Variants in PAM observed in about 807,000 individuals in gnomAD.
PAM encodes the protein peptidylglycine alpha-amidating monooxygenase.
In PAM, 72 loss-of-function variants were observed where a neutral mutation model predicts 122.1. The ratio of observed to expected loss-of-function variants is 0.59; its 90% CI spans 0.49 to 0.72. The LOEUF is 0.72. Ranked by LOEUF, PAM falls within the 30% of genes least tolerant of loss-of-function variation. PAM has a pLI of 0.00. For missense variants in PAM, 1,106 were observed against 1,183.7 expected, an observed-to-expected ratio of 0.93 and a Z score of 0.96; for synonymous variants, 389 against 404.4, an observed-to-expected ratio of 0.96 and a Z score of 0.46.
At chr5:102,851,856 TAA>T in intron 1 of PAM, among the ~76,000 whole-genome samples, 1 of 152,390 alleles carries the variant, frequency 6.6e-6, no homozygotes, top group African/African-American at 2.4e-5. Flanking sequence ...TCAAATAATT[TAA>T]AGTGTGTTTT....
chr5:102,924,141 C>CT (rs1360939352), intron 5 of PAM, among the ~76,000 whole-genome samples: 1 of 152,032 alleles, frequency 6.6e-6, no homozygotes, highest in African/African-American at 2.4e-5. Context: ...ATCAAGAACT[C>CT]TTAAGAGAGG....
chr5:103,002,430 A>C (rs898046757), intron 16 of PAM, among the ~76,000 whole-genome samples: 6 of 152,046 alleles, frequency 3.9e-5, no homozygotes, highest in Non-Finnish European at 8.8e-5. Context: ...GTTATTTGGT[A>C]AGTTTTATGC....
chr5:102,893,457 T>C lies in PAM; in HGVS notation c.211-7899T>C, dbSNP rs1453098743. 4.0e-5 allele frequency among the ~76,000 whole-genome samples: 6 copies of C among 151,746 alleles called. No individual in the cohort carries two copies. The East Asian group carries it at 1.2e-3, about 30-fold the overall frequency. On this transcript the variant is annotated intron_variant, in intron 3 of 25. Transcript: ENST00000438793. ...GAGAGGAATGTGAATACATTCAAAA[T>C]ACTAGTATTACAAATATGTAAAACC...
chr5:102,763,928 G>T (rs1218085380), intron 1 of PAM, among the ~76,000 whole-genome samples: 6 of 152,142 alleles, frequency 3.9e-5, no homozygotes, highest in Admixed American at 2.0e-4. Context: ...ATCTGTGGGG[G>T]CGTGAGTTGG....
intron 3 of PAM, among the ~76,000 whole-genome samples, chr5:102,891,017 A>G (rs116071811): frequency 6.6e-6 from 1 of 151,850 alleles, no homozygotes; most frequent in South Asian, 2.1e-4. Context: ...TTGCAGTGGG[A>G]TAAATTTAGT....
chr5:102,925,112 A>G (rs946092114), intron 6 of PAM, 70 bp downstream of exon 6: 4 of 824,882 alleles, frequency 4.8e-6, no homozygotes, highest in African/African-American at 3.3e-5. Context: ...ACTTTTCATT[A>G]TAGTCCTTTC....
At chr5:102,918,611 T>C (rs185706248) in intron 5 of PAM, among the ~76,000 whole-genome samples, 78 of 152,272 alleles carry the variant, frequency 5.1e-4, no homozygotes, top group African/African-American at 1.8e-3. Flanking sequence ...ATTACTTCAT[T>C]CTGTTTTTAC....
intron 1 of PAM, among the ~76,000 whole-genome samples, chr5:102,861,193 C>G (rs1004438382): frequency 6.6e-6 from 1 of 152,240 alleles, no homozygotes; most frequent in African/African-American, 2.4e-5. Flanking sequence ...GACTGCAGTT[C>G]TGGTTCACAT....
chr5:103,024,448 G>A (rs1338912584), intron 23 of PAM, among the ~76,000 whole-genome samples: 1 of 152,084 alleles, frequency 6.6e-6, no homozygotes, highest in Non-Finnish European at 1.5e-5. Flanking sequence ...TCATCTGTCT[G>A]TACTCACATT....
At chr5:102,973,181 C>A (rs1008441760) in intron 14 of PAM, among the ~76,000 whole-genome samples, 2 of 152,284 alleles carry the variant, frequency 1.3e-5, no homozygotes, top group Admixed American at 1.3e-4. Flanking sequence ...AAAGGAAGAA[C>A]TGGTGGTTGC....
At chr5:102,928,930 C>T (rs527996865) in intron 7 of PAM, among the ~76,000 whole-genome samples, 1 of 152,062 alleles carries the variant, frequency 6.6e-6, no homozygotes. Context: ...TCAAATGGCC[C>T]TCACTAGGAC....
intron 1 of PAM, among the ~76,000 whole-genome samples, chr5:102,859,634 T>A (rs1314259467): frequency 2.0e-5 from 3 of 152,156 alleles, no homozygotes; most frequent in African/African-American, 7.2e-5. Context: ...GGAAACTGCA[T>A]AAAATCTCCT....
At chr5:102,756,415 G>A (rs1291378168) in intron 1 of PAM, among the ~76,000 whole-genome samples, 1 of 152,172 alleles carries the variant, frequency 6.6e-6, no homozygotes, top group Non-Finnish European at 1.5e-5. Flanking sequence ...AGAAATTCAA[G>A]TAGAAGGAAG....
chr5:102,765,043 A>AT (rs1158201180), intron 1 of PAM, among the ~76,000 whole-genome samples: 1 of 151,804 alleles, frequency 6.6e-6, no homozygotes, highest in Non-Finnish European at 1.5e-5. Flanking sequence ...TTCAAGAGTT[A>AT]TTTTTTCCAC....
chr5:102,816,739 T>G (rs1422081817), intron 1 of PAM, among the ~76,000 whole-genome samples: 1 of 152,152 alleles, frequency 6.6e-6, no homozygotes, highest in East Asian at 1.9e-4. Context: ...AGTTGGAGTA[T>G]CCTAAAGTTC....
At chr5:102,956,169 G>A (rs1405820795) in intron 12 of PAM, among the ~76,000 whole-genome samples, 4 of 152,030 alleles carry the variant, frequency 2.6e-5, no homozygotes, top group Non-Finnish European at 4.4e-5. Flanking sequence ...CAAATGAACT[G>A]TATTGGTGAG....
At chr5:102,898,958 C>T (rs936803762) in intron 3 of PAM, among the ~76,000 whole-genome samples, 13 of 151,478 alleles carry the variant, frequency 8.6e-5, no homozygotes, top group South Asian at 2.1e-4. Context: ...TAATACCTAC[C>T]GAATAGTGTT....
chr5:102,948,760 C>G lies in PAM; in HGVS notation c.643+315C>G, dbSNP rs1757816293. ...TTCTTGAGATGCAGAGGACACACTG[C>G]ATAATGAGCAGTGACATAAACTTCT... On this transcript the variant is annotated intron_variant, in intron 9 of 25. Coordinates refer to ENST00000438793, the MANE Select transcript of PAM (RefSeq NM_001177306.2). Among the ~76,000 whole-genome samples the G allele has an allele frequency of 2.0e-5, 3 of 151,690 alleles. No individual in the cohort carries two copies. The South Asian group carries it at 6.3e-4, about 32-fold the overall frequency.
chr5:102,933,538 T>C (rs1309257202), intron 7 of PAM, among the ~76,000 whole-genome samples: 1 of 152,238 alleles, frequency 6.6e-6, no homozygotes, highest in Non-Finnish European at 1.5e-5. Flanking sequence ...AGGGTGTGCA[T>C]CTGTGTATTC....
Sources: gnomAD v4.1 joint callset for allele counts (sites outside exome capture counted in the v4.1 genomes callset) on GRCh38, gnomAD v4.1.1 for gene constraint, MANE v1.5 for transcripts, NCBI Gene and HGNC (gene_info 2026-07-23, HGNC 2026-07-21) for gene names.